Variants in GPC6 observed in about 807,000 individuals in gnomAD.
GPC6 encodes the protein glypican 6, also known as glypican-6.
In GPC6, 14 loss-of-function variants were observed where a neutral mutation model predicts 55.2. That is an observed-to-expected ratio of 0.25 (90% CI 0.17 to 0.40). The LOEUF is 0.40. Ranked by LOEUF, GPC6 falls within the 10% of genes least tolerant of loss-of-function variation. The pLI is 1.00. For synonymous variants in GPC6, 278 were observed against 259.6 expected (o/e 1.07, Z -0.68); for missense variants, 641 against 708.5 (o/e 0.90, Z 1.08).
chr13:93,490,217 T>G (rs1879912801), intron 1 of GPC6, among the ~76,000 whole-genome samples: 1 of 151,498 alleles, frequency 6.6e-6, no homozygotes, highest in South Asian at 2.1e-4. Context: ...CTGCCTCTAT[T>G]GAGATAATCA....
At chr13:94,215,798 T>A (rs1890209631) in intron 4 of GPC6, among the ~76,000 whole-genome samples, 1 of 152,278 alleles carries the variant, frequency 6.6e-6, no homozygotes, top group South Asian at 2.1e-4. Flanking sequence ...TATTACATTT[T>A]GTGCACAAAT....
At chr13:93,880,809 A>G (rs1874918512) in intron 3 of GPC6, among the ~76,000 whole-genome samples, 1 of 151,998 alleles carries the variant, frequency 6.6e-6, no homozygotes, top group South Asian at 2.1e-4. Flanking sequence ...AACCGTGTGC[A>G]TGGGGAGAAT....
At chr13:93,772,940 A>G (rs1033265456) in intron 2 of GPC6, among the ~76,000 whole-genome samples, 3 of 152,082 alleles carry the variant, frequency 2.0e-5, no homozygotes, top group Admixed American at 6.6e-5. Flanking sequence ...AAAAGTTGTT[A>G]TCATCTAAAA....
intron 4 of GPC6, among the ~76,000 whole-genome samples, chr13:94,223,303 T>C (rs931194164): frequency 2.0e-5 from 3 of 152,188 alleles, no homozygotes; most frequent in Admixed American, 6.6e-5. Flanking sequence ...TTCTACTTGA[T>C]AATGAAATAA....
chr13:93,784,998 A>T (rs1885777867), intron 2 of GPC6, among the ~76,000 whole-genome samples: 1 of 152,186 alleles, frequency 6.6e-6, no homozygotes, highest in Non-Finnish European at 1.5e-5. Context: ...ACAGGAATAA[A>T]AAGGAATATA....
chr13:93,815,792 A>G (rs975128548), intron 2 of GPC6, among the ~76,000 whole-genome samples: 4 of 152,184 alleles, frequency 2.6e-5, no homozygotes, highest in African/African-American at 9.6e-5. Flanking sequence ...CATCAAAAGT[A>G]TATTCATTAC....
intron 4 of GPC6, among the ~76,000 whole-genome samples, chr13:94,174,290 C>T (rs532544984): frequency 6.6e-6 from 1 of 152,026 alleles, no homozygotes; most frequent in Admixed American, 6.6e-5. Context: ...GACACAGGGA[C>T]AACCAAAAGG....
intron 3 of GPC6, among the ~76,000 whole-genome samples, chr13:94,015,211 C>CT (rs1353881194): frequency 6.6e-6 from 1 of 152,172 alleles, no homozygotes; most frequent in East Asian, 1.9e-4. Flanking sequence ...TATTATCTGT[C>CT]TTTTTTATTA....
At chr13:94,102,595 A>C (rs1885907176) in intron 4 of GPC6, among the ~76,000 whole-genome samples, 1 of 152,002 alleles carries the variant, frequency 6.6e-6, no homozygotes, top group Admixed American at 6.6e-5. Context: ...CATCCTCAGT[A>C]AGACATAAAT....
At chr13:93,912,998 A>G (rs7982823) in intron 3 of GPC6, among the ~76,000 whole-genome samples, 65,019 of 151,830 alleles carry the variant, frequency 0.43, 15,033 homozygotes, top group Non-Finnish European at 0.52. Flanking sequence ...TCCTATAAAG[A>G]CACCAGTTAT....
At chr13:93,960,809 T>C (rs1366643849) in intron 3 of GPC6, among the ~76,000 whole-genome samples, 2 of 147,168 alleles carry the variant, frequency 1.4e-5, no homozygotes, top group East Asian at 2.0e-4. Flanking sequence ...GAATTTTTTT[T>C]TTTTTCTTTT....
At chr13:93,494,476 C>T (rs1306298476) in intron 1 of GPC6, among the ~76,000 whole-genome samples, 1 of 152,068 alleles carries the variant, frequency 6.6e-6, no homozygotes, top group East Asian at 1.9e-4. Flanking sequence ...ACTTTTTATC[C>T]AGCTTGCCAG....
chr13:94,115,116 T>G (rs1456007823), intron 4 of GPC6, among the ~76,000 whole-genome samples: 2 of 152,128 alleles, frequency 1.3e-5, no homozygotes, highest in Non-Finnish European at 2.9e-5. Flanking sequence ...AGTGTACAAG[T>G]GCTCTCCAAG....
At chr13:94,167,903 A>T (rs1176882050) in intron 4 of GPC6, among the ~76,000 whole-genome samples, 1 of 152,250 alleles carries the variant, frequency 6.6e-6, no homozygotes, top group Non-Finnish European at 1.5e-5. Flanking sequence ...TAGTAATGCC[A>T]ATTGCTTATT....
At chr13:93,995,170 T>TTTATG (rs1471180284) in intron 3 of GPC6, among the ~76,000 whole-genome samples, 1 of 146,818 alleles carries the variant, frequency 6.8e-6, no homozygotes, top group Non-Finnish European at 1.5e-5. Flanking sequence ...ACTATTTTAT[T>TTTATG]TTATTTTATT....
chr13:94,267,564 G>C (rs935795037), intron 4 of GPC6, among the ~76,000 whole-genome samples: 23 of 152,006 alleles, frequency 1.5e-4, no homozygotes, highest in African/African-American at 4.6e-4. Flanking sequence ...TGTTAGTCTT[G>C]GGGTTCTGAC....
intron 2 of GPC6, among the ~76,000 whole-genome samples, chr13:93,684,653 AT>A (rs575734437): frequency 6.6e-6 from 1 of 152,030 alleles, no homozygotes; most frequent in South Asian, 2.1e-4. Flanking sequence ...ATTTTATTTT[AT>A]TTTTTTCACC....
At chr13:93,850,572 C>A (rs1041898052) in intron 3 of GPC6, among the ~76,000 whole-genome samples, 3 of 151,874 alleles carry the variant, frequency 2.0e-5, no homozygotes, top group Admixed American at 6.6e-5. Flanking sequence ...AAGGTATATG[C>A]AACTGCTGCT....
chr13:93,933,120 C>A (rs1296234272), intron 3 of GPC6, among the ~76,000 whole-genome samples: 1 of 151,848 alleles, frequency 6.6e-6, no homozygotes, highest in Non-Finnish European at 1.5e-5. Context: ...GTATCTCCTA[C>A]TAGAAGGCAC....
Sources: allele counts gnomAD v4.1 joint callset (sites outside exome capture counted in the v4.1 genomes callset), GRCh38; gene constraint gnomAD v4.1.1; transcripts MANE v1.5; gene names NCBI Gene and HGNC (gene_info 2026-07-23, HGNC 2026-07-21).